Variants in CNOT6 observed in about 807,000 individuals in gnomAD.
CNOT6 encodes the protein carbon catabolite repression 4 protein.
A neutral mutation model predicts 61.2 loss-of-function variants in CNOT6; 12 were observed. The ratio of observed to expected loss-of-function variants is 0.20; its 90% CI spans 0.13 to 0.32. The LOEUF (loss-of-function observed/expected upper bound fraction) is 0.32. Among genes scored for constraint, CNOT6 ranks in the 10% least tolerant of loss-of-function variants. The pLI is 1.00. For synonymous variants in CNOT6, 225 were observed against 240.6 expected (o/e 0.94, Z 0.60); for missense variants, 405 against 663.9 (o/e 0.61, Z 4.28).
At chr5:180,510,355 A>G (rs1265934812) in intron 1 of CNOT6, among the ~76,000 whole-genome samples, 1 of 151,918 alleles carries the variant, frequency 6.6e-6, no homozygotes, top group Non-Finnish European at 1.5e-5. Context: ...CTGACTAGAA[A>G]GAGAAACAAA....
chr5:180,495,165 G>A (rs1756547442), intron 1 of CNOT6, among the ~76,000 whole-genome samples: 1 of 152,236 alleles, frequency 6.6e-6, no homozygotes, highest in Non-Finnish European at 1.5e-5. Flanking sequence ...GTGGAGTGTG[G>A]AGCTTCGCGC....
intron 4 of CNOT6, among the ~76,000 whole-genome samples, chr5:180,554,228 A>G (rs1266678944): frequency 1.3e-5 from 2 of 152,144 alleles, no homozygotes; most frequent in African/African-American, 2.4e-5. Context: ...GACCAGCATG[A>G]GCAACATGGC....
rs1477172692 is a variant in CNOT6 at position 180,574,633 on chromosome 5, T to C, written c.*433T>C. On this transcript the variant is annotated 3_prime_UTR_variant, in exon 12 of 12. Transcript: ENST00000261951. ...TCAGACTTGTTTGTAAAGTACAGAA[T>C]CTGAATTTAGCCTTTATGATTGTAT... 1.1e-5 allele frequency: 2 copies of C among 187,114 alleles called. No individual in the cohort carries two copies. Among genetic ancestry groups the C allele is most frequent in the Non-Finnish European group, 2.2e-5 (2 of 89,100 alleles). 11.6% of individuals were successfully genotyped at this position (187,114 alleles called of 1,614,324 possible). A position where few individuals can be genotyped will look rare whatever the true frequency, so the allele number is the denominator to read the frequency against.
chr5:180,548,648 C>T (rs761194081), intron 2 of CNOT6, among the ~76,000 whole-genome samples: 5 of 152,180 alleles, frequency 3.3e-5, no homozygotes, highest in Non-Finnish European at 7.3e-5. Flanking sequence ...GTTTCCCACC[C>T]TTCAGGAATG....
At chr5:180,551,598 A>C (rs979039577) in intron 3 of CNOT6, among the ~76,000 whole-genome samples, 2 of 152,174 alleles carry the variant, frequency 1.3e-5, no homozygotes, top group Non-Finnish European at 2.9e-5. Context: ...AACCAAGTTA[A>C]TATAAAGCTA....
chr5:180,500,040 C>T (rs1283555453), intron 1 of CNOT6, among the ~76,000 whole-genome samples: 2 of 152,158 alleles, frequency 1.3e-5, no homozygotes, highest in African/African-American at 2.4e-5. Flanking sequence ...GGATTGTGCT[C>T]AAATTGTTCT....
intron 2 of CNOT6, among the ~76,000 whole-genome samples, chr5:180,538,855 G>C (rs931084160): frequency 2.0e-5 from 3 of 151,522 alleles, no homozygotes; most frequent in African/African-American, 7.3e-5. Flanking sequence ...CTCCAGCCTG[G>C]GTGATAGAGT....
intron 10 of CNOT6, 51 bp downstream of exon 10, chr5:180,569,391 T>G (rs910806809): frequency 1.5e-6 from 2 of 1,360,548 alleles, no homozygotes; most frequent in African/African-American, 2.9e-5. Context: ...ATAAGATGAT[T>G]TAGTAATGTT....
chr5:180,503,234 T>C (rs946410910), intron 1 of CNOT6, among the ~76,000 whole-genome samples: 6 of 151,930 alleles, frequency 3.9e-5, no homozygotes, highest in Non-Finnish European at 7.4e-5. Flanking sequence ...CAGGACTTGA[T>C]GCAGGTCTGA....
rs748305564 is a variant in CNOT6, at chr5:180,575,126, C to T, written c.*926C>T. On this transcript the variant is annotated 3_prime_UTR_variant, in exon 12 of 12. Transcript: ENST00000261951. ...AACTCTTTTTGAGACACTTCCTGTC[C>T]TATCTCCACTGTGCCTGCCTAAATT... 2 of 152,672 alleles carry T rather than the reference C, an allele frequency of 1.3e-5. No individual in the cohort carries two copies. Among genetic ancestry groups the T allele is most frequent in the Non-Finnish European group, 2.9e-5 (2 of 68,042 alleles). The allele number at this position is 152,672 out of a possible 1,614,324, so 9.5% of individuals were successfully genotyped here.
chr5:180,515,353 G>A (rs978437110), intron 1 of CNOT6, among the ~76,000 whole-genome samples: 3 of 152,170 alleles, frequency 2.0e-5, no homozygotes, highest in African/African-American at 7.2e-5. Flanking sequence ...TCTAGCTTAG[G>A]TGACAGCGAG....
intron 1 of CNOT6, among the ~76,000 whole-genome samples, chr5:180,498,844 C>G (rs1026721086): frequency 1.3e-5 from 2 of 152,158 alleles, no homozygotes; most frequent in African/African-American, 4.8e-5. Context: ...ACTTGGAGTG[C>G]GGTGGCGCGA....
intron 1 of CNOT6, among the ~76,000 whole-genome samples, chr5:180,516,513 G>A (rs1238517857): frequency 6.6e-6 from 1 of 152,132 alleles, no homozygotes; most frequent in African/African-American, 2.4e-5. Context: ...ATATTATCTT[G>A]TCAGTTAAGA....
chr5:180,518,561 C>G (rs1354951840), intron 1 of CNOT6, among the ~76,000 whole-genome samples: 3 of 152,156 alleles, frequency 2.0e-5, no homozygotes, highest in Non-Finnish European at 2.9e-5. Flanking sequence ...CTCTGTCACC[C>G]AGGCTGGAGT....
intron 2 of CNOT6, among the ~76,000 whole-genome samples, chr5:180,538,528 T>C (rs1272268154): frequency 6.6e-6 from 1 of 150,724 alleles, no homozygotes; most frequent in Non-Finnish European, 1.5e-5. Flanking sequence ...TCTACTAAAA[T>C]ACAAAAAAAA....
chr5:180,507,320 C>A (rs1427394668), intron 1 of CNOT6, among the ~76,000 whole-genome samples: 1 of 152,162 alleles, frequency 6.6e-6, no homozygotes, highest in African/African-American at 2.4e-5. Context: ...GTTTTAGGGG[C>A]CCGGTGTGGT....
At chr5:180,549,590 A>G (rs985627620) in intron 2 of CNOT6, among the ~76,000 whole-genome samples, 3 of 152,096 alleles carry the variant, frequency 2.0e-5, no homozygotes, top group African/African-American at 7.2e-5. Flanking sequence ...CGGAGCTTGC[A>G]GTGAGCCCAG....
intron 2 of CNOT6, among the ~76,000 whole-genome samples, chr5:180,547,647 A>T (rs1759380004): frequency 6.6e-6 from 1 of 152,014 alleles, no homozygotes; most frequent in Non-Finnish European, 1.5e-5. Context: ...GTGGCTTTTT[A>T]GATTTTCTCT....
At chr5:180,549,034 T>A (rs1030193492) in intron 2 of CNOT6, among the ~76,000 whole-genome samples, 3 of 152,064 alleles carry the variant, frequency 2.0e-5, no homozygotes, top group African/African-American at 4.8e-5. Flanking sequence ...TACTATTTGA[T>A]TATAAAGGTC....
Sources: gnomAD v4.1 joint callset for allele counts (sites outside exome capture counted in the v4.1 genomes callset) on GRCh38, gnomAD v4.1.1 for gene constraint, MANE v1.5 for transcripts, NCBI Gene and HGNC (gene_info 2026-07-23, HGNC 2026-07-21) for gene names.